Variants in SENP1 observed in about 807,000 individuals in gnomAD.
The protein encoded by SENP1 is sentrin-specific protease 1.
Under a neutral mutation model 93.0 loss-of-function variants are expected in SENP1, and 21 were observed. The ratio of observed to expected loss-of-function variants is 0.23; its 90% confidence interval spans 0.16 to 0.33. SENP1 has a LOEUF of 0.33. Ranked by LOEUF, SENP1 falls within the 10% of genes least tolerant of loss-of-function variation. SENP1 has a pLI of 1.00. For missense variants in SENP1, 591 were observed against 758.7 expected (o/e 0.78, Z 2.60); for synonymous variants, 256 against 259.6 (o/e 0.99, Z 0.13).
intron 17 of SENP1, among the ~76,000 whole-genome samples, chr12:48,045,599 T>G (rs142936749): frequency 9.7e-4 from 148 of 152,330 alleles, no homozygotes; most frequent in Admixed American, 5.2e-3. Flanking sequence ...GAAGTTACAC[T>G]GGGTATTTCC....
In SENP1 at chr12:48,043,286, T is replaced by C. The variant is rs1463241937; in HGVS notation, c.*2036A>G. On this transcript the variant is annotated 3_prime_UTR_variant, in exon 18 of 18. Coordinates refer to ENST00000549518, the MANE Select transcript of SENP1 (RefSeq NM_001267594.2). ...ACATGGCAATAAATATTTGTTGCTT[T>C]GGTCTGTACAAAGTCTGTGAGGAAG... is the stretch of plus-strand genomic sequence containing the variant. 1 of 152,690 alleles carries C rather than the reference T, an allele frequency of 6.5e-6. No individual in the cohort carries two copies. Among genetic ancestry groups the C allele is most frequent in the Non-Finnish European group, 1.5e-5 (1 of 68,038 alleles). The allele number at this position is 152,690 out of a possible 1,614,324, so 9.5% of individuals were successfully genotyped here. A position where few individuals can be genotyped will look rare whatever the true frequency, so the allele number is the denominator to read the frequency against.
At position 48,085,857 on chromosome 12, in the gene SENP1, T is replaced by C. The variant is rs549149826; in HGVS notation, c.381-2095A>G. Reference sequence around the variant, plus strand: ...GTGCAATTGTTTGGTAAAGACATGATGGATTCTCCACAATGTCTTCTGTAT... The same window carrying C: ...GTGCAATTGTTTGGTAAAGACATGACGGATTCTCCACAATGTCTTCTGTAT... On this transcript the variant is annotated intron_variant, in intron 5 of 17. Transcript: ENST00000549518. Among the ~76,000 whole-genome samples the C allele has an allele frequency of 9.2e-5, 14 of 152,170 alleles. No individual in the cohort carries two copies. In the South Asian group the frequency reaches 2.3e-3, roughly 25 times the overall value.
intron 5 of SENP1, among the ~76,000 whole-genome samples, chr12:48,084,511 C>G (rs553919950): frequency 7.0e-5 from 10 of 142,548 alleles, no homozygotes; most frequent in Non-Finnish European, 1.2e-4. Flanking sequence ...GGCAGTGGCA[C>G]GACCTTGGCT....
chr12:48,105,568 A>G (rs1362087406), intron 1 of SENP1: 5 of 494,176 alleles, frequency 1.0e-5, no homozygotes, highest in Non-Finnish European at 2.0e-5. Context: ...GAGACGCAGA[A>G]GTAGTCAAGA....
chr12:48,098,060 T>A lies in SENP1; in HGVS notation c.69A>T (p.Val23=). 6.2e-7 allele frequency: 1 copy of A among 1,613,716 alleles called. No individual in the cohort carries two copies. Residue 23 remains valine (V), a synonymous_variant, in exon 3 of 18, where the codon GTA becomes GTT. Transcript: ENST00000549518. The part of the protein sequence containing the change: ...GEVTLVNHNS[V]FKTHLLPQTG... ...TTTGTGGCAGGAGGTGGGTTTTGAATACGGAGTTGTGGTTCACTAAAGTCA... is the reference window on the plus strand; with the variant it reads ...TTTGTGGCAGGAGGTGGGTTTTGAAAACGGAGTTGTGGTTCACTAAAGTCA...
intron 9 of SENP1, among the ~76,000 whole-genome samples, chr12:48,070,737 A>T (rs1428934916): frequency 6.6e-6 from 1 of 152,148 alleles, no homozygotes; most frequent in Non-Finnish European, 1.5e-5. Flanking sequence ...AAACCCCTTT[A>T]ATGAATGATC....
chr12:48,100,831 C>T (rs1945876274), intron 2 of SENP1, among the ~76,000 whole-genome samples: 1 of 152,084 alleles, frequency 6.6e-6, no homozygotes, highest in African/African-American at 2.4e-5. Context: ...ATTAGGTACC[C>T]TTGTAAGATG....
At position 48,043,932 on chromosome 12, in the gene SENP1, T is replaced by C. The variant is rs1474702128; in HGVS notation, c.*1390A>G. The C allele has an allele frequency of 6.6e-6, 1 of 152,548 alleles. No individual in the cohort carries two copies. Among genetic ancestry groups the C allele is most frequent in the Non-Finnish European group, 1.5e-5 (1 of 68,026 alleles). 9.4% of individuals were successfully genotyped at this position (152,548 alleles called of 1,614,324 possible). On this transcript the variant is annotated 3_prime_UTR_variant, in exon 18 of 18. Coordinates refer to ENST00000549518, the MANE Select transcript of SENP1 (RefSeq NM_001267594.2). ...CAACGGGAGAGGAGAAAAGATTTCA[T>C]ACAAAACTACCTATTACAATACAGA...
intron 13 of SENP1, among the ~76,000 whole-genome samples, chr12:48,052,871 C>T (rs1308045199): frequency 3.3e-5 from 5 of 152,166 alleles, no homozygotes; most frequent in South Asian, 2.1e-4. Flanking sequence ...CAAAGAGTCA[C>T]GTTAGAAAAC....
chr12:48,047,867 A>G (rs924134623), intron 15 of SENP1, 134 bp downstream of exon 15: 9 of 625,944 alleles, frequency 1.4e-5, no homozygotes, highest in Non-Finnish European at 2.0e-5. Context: ...CTTAGATACA[A>G]AATATGCATT....
chr12:48,076,127 G>T (rs909840105), intron 6 of SENP1, among the ~76,000 whole-genome samples: 1 of 152,174 alleles, frequency 6.6e-6, no homozygotes, highest in African/African-American at 2.4e-5. Context: ...ATGTTCACTA[G>T]CACTTAGTAA....
chr12:48,101,660 G>A, intron 1 of SENP1, 144 bp from the exon 2 acceptor site: 1 of 553,426 alleles, frequency 1.8e-6, no homozygotes, highest in South Asian at 2.3e-5. Flanking sequence ...GACTTGATGG[G>A]AAAAGAGTAA....
chr12:48,082,294 T>C (rs1251138622), intron 6 of SENP1, among the ~76,000 whole-genome samples: 2 of 152,214 alleles, frequency 1.3e-5, no homozygotes, highest in Admixed American at 6.5e-5. Flanking sequence ...AATTATGTAA[T>C]TATTTAGCAG....
intron 13 of SENP1, among the ~76,000 whole-genome samples, chr12:48,058,492 CTTTTAA>C (rs1404706587): frequency 1.3e-5 from 2 of 151,932 alleles, no homozygotes; most frequent in Non-Finnish European, 2.9e-5. Context: ...ATATATCTTG[CTTTTAA>C]TTTTTATTTT....
chr12:48,104,783 C>T (rs749944993), intron 1 of SENP1, among the ~76,000 whole-genome samples: 1 of 152,206 alleles, frequency 6.6e-6, no homozygotes, highest in African/African-American at 2.4e-5. Flanking sequence ...GTAGCAGAAC[C>T]TGTTTTTGTA....
At chr12:48,055,941 ATAT>A (rs1402703948) in intron 13 of SENP1, among the ~76,000 whole-genome samples, 2 of 136,922 alleles carry the variant, frequency 1.5e-5, no homozygotes, top group Non-Finnish European at 3.0e-5. Context: ...TATATAACAT[ATAT>A]TAATAATATA....
At chr12:48,099,331 AAACAAC>A (rs367878433) in intron 2 of SENP1, among the ~76,000 whole-genome samples, 1 of 151,088 alleles carries the variant, frequency 6.6e-6, no homozygotes, top group Non-Finnish European at 1.5e-5. Context: ...CTGTCTCAGA[AAACAAC>A]AACAACAACA....
At chr12:48,076,530 C>G (rs1174382995) in intron 6 of SENP1, among the ~76,000 whole-genome samples, 1 of 152,094 alleles carries the variant, frequency 6.6e-6, no homozygotes, top group Non-Finnish European at 1.5e-5. Context: ...CAGGGTTTCA[C>G]CATGTTGGCC....
intron 10 of SENP1, among the ~76,000 whole-genome samples, chr12:48,066,511 C>G (rs539778715): frequency 1.7e-4 from 25 of 151,142 alleles, no homozygotes; most frequent in African/African-American, 5.8e-4. Flanking sequence ...TAAACAGGCA[C>G]TTCTTTTTTT....
Sources: allele counts gnomAD v4.1 joint callset (sites outside exome capture counted in the v4.1 genomes callset), GRCh38; gene constraint gnomAD v4.1.1; transcripts MANE v1.5; gene names NCBI Gene and HGNC (gene_info 2026-07-23, HGNC 2026-07-21).